The following RBP3 variants were observed in gnomAD, a reference collection of about 807,000 sequenced individuals.
RBP3 encodes retinol binding protein 3.
In RBP3, 50 loss-of-function variants were observed where a neutral mutation model predicts 64.8. The ratio of observed to expected loss-of-function variants is 0.77; its 90% confidence interval spans 0.61 to 0.98. The LOEUF (loss-of-function observed/expected upper bound fraction) is 0.98, where lower values mean the gene tolerates loss of function less well. Among genes scored for constraint, RBP3 ranks in the 50% least tolerant of loss-of-function variants. The pLI is 0.00. For missense variants in RBP3, 1,712 were observed against 1,660.5 expected (o/e 1.03, Z -0.54); for synonymous variants, 828 against 730.2 (o/e 1.13, Z -2.16).
chr10:47,349,147 C>CGGTG lies in RBP3; in HGVS notation c.664_667dup (p.Ala223GlyfsTer26). On this transcript the variant is annotated frameshift_variant, in exon 1 of 4. Coordinates refer to ENST00000584701, the MANE Select transcript of RBP3 (RefSeq NM_002900.3). LOFTEE classifies it high-confidence loss of function. ...TGCCCCAGGTCCTGGGAGAAAGGTACGGTGCCGACAAGGATGTGGTGGTCC... is the reference window on the plus strand; with the variant it reads ...TGCCCCAGGTCCTGGGAGAAAGGTACGGTGGGTGCCGACAAGGATGTGGTGGTCC... 6.2e-7 allele frequency: 1 copy of CGGTG among 1,613,938 alleles called. No homozygotes were observed. The highest frequency in any genetic ancestry group is 8.5e-7 in the Non-Finnish European group (1 of 1,180,026).
intron 3 of RBP3, 21 bp from the exon 4 acceptor site, chr10:47,357,081 G>A: frequency 6.2e-7 from 1 of 1,602,816 alleles, no homozygotes; most frequent in Non-Finnish European, 8.5e-7. Context: ...CCCCCATCCT[G>A]AAGGGCCTTA....
At position 47,350,696 on chromosome 10, in the gene RBP3, G is replaced by T. The variant is rs1836955784; in HGVS notation, c.2212G>T (p.Val738Leu). The T allele has an allele frequency of 6.2e-7, 1 of 1,613,086 alleles. No homozygotes were observed. The highest frequency in any genetic ancestry group is 8.5e-7 in the Non-Finnish European group (1 of 1,180,044). ...TATTGAGGCCCTGTTCAAGACAGAG[G>T]TGCTGCCCGGCCAGCTGGGCTACCT... ...YLIEALFKTEVLPGQLGYLRF... is the reference protein window; with the variant it reads ...YLIEALFKTELLPGQLGYLRF... Residue 738 changes from valine (V) to leucine (L), a missense_variant, in exon 1 of 4, where the codon GTG (valine) becomes TTG (leucine). Transcript: ENST00000584701.
chr10:47,357,194 C>T lies in RBP3; in HGVS notation c.3481C>T (p.Leu1161=). ...AEEFTYIMKR[L]GRALVIGEVT... is the part of the protein sequence containing the mutation. Reference sequence around the variant, plus strand: ...GGAGTTCACCTATATCATGAAGAGGCTGGGCCGGGCCCTGGTCATTGGGGA... The same window carrying T: ...GGAGTTCACCTATATCATGAAGAGGTTGGGCCGGGCCCTGGTCATTGGGGA... Residue 1161 remains leucine (L), a synonymous_variant, in exon 4 of 4, where the codon CTG becomes TTG. Coordinates refer to ENST00000584701, the MANE Select transcript of RBP3 (RefSeq NM_002900.3). 2.5e-6 allele frequency: 4 copies of T among 1,613,990 alleles called. No individual in the cohort carries two copies. Among genetic ancestry groups the T allele is most frequent in the Non-Finnish European group, 3.4e-6 (4 of 1,180,038 alleles).
chr10:47,356,871 T>C (rs1431627220), intron 3 of RBP3, among the ~76,000 whole-genome samples: 1 of 152,184 alleles, frequency 6.6e-6, no homozygotes, highest in Non-Finnish European at 1.5e-5. Context: ...AAAGGCCTCG[T>C]TGGGAGTTGT....
intron 2 of RBP3, among the ~76,000 whole-genome samples, chr10:47,354,667 C>A (rs1033521817): frequency 3.9e-5 from 6 of 152,228 alleles, no homozygotes; most frequent in African/African-American, 1.4e-4. Flanking sequence ...TGCAAGTGCA[C>A]TTTGCTTAAA....
At chr10:47,352,524 C>G (rs547621921) in intron 1 of RBP3, among the ~76,000 whole-genome samples, 1 of 152,190 alleles carries the variant, frequency 6.6e-6, no homozygotes, top group Non-Finnish European at 1.5e-5. Flanking sequence ...AACTGAGGCC[C>G]GGAGAGGAGC....
At position 47,357,292 on chromosome 10, in the gene RBP3, C is replaced by T; in HGVS notation, c.3579C>T (p.Pro1193=). 6.2e-7 allele frequency: 1 copy of T among 1,614,188 alleles called. No homozygotes were observed. Among genetic ancestry groups the T allele is most frequent in the Admixed American group, 1.7e-5 (1 of 60,028 alleles). Residue 1193 remains proline (P), a synonymous_variant, in exon 4 of 4, where the codon CCC becomes CCT. Coordinates refer to ENST00000584701, the MANE Select transcript of RBP3 (RefSeq NM_002900.3). Reference sequence around the variant, plus strand: ...ACACCAACCTCTACCTCACTATCCCCACGGCCCGTTCTGTGGGGGCCTCGG... The same window carrying T: ...ACACCAACCTCTACCTCACTATCCCTACGGCCCGTTCTGTGGGGGCCTCGG... ...VDDTNLYLTI[P]TARSVGASDG... is the part of the protein sequence containing the mutation.
At chr10:47,356,067 C>T (rs1837042895) in intron 3 of RBP3, among the ~76,000 whole-genome samples, 1 of 152,140 alleles carries the variant, frequency 6.6e-6, no homozygotes, top group South Asian at 2.1e-4. Context: ...AAGCCCCATT[C>T]CAGGGTGGAT....
chr10:47,349,303 G>A lies in RBP3; in HGVS notation c.819G>A (p.Glu273=). ...ALDLRKLRIG[E]SDFFFTVPVS... is the part of the protein sequence containing the mutation. ...ACCTCCGGAAGCTGAGGATAGGCGA[G>A]TCTGACTTCTTCTTCACGGTGCCCG... The change falls in exon 1 of 4, where the codon GAG becomes GAA. Residue 273 remains glutamate (E), a synonymous_variant. Coordinates refer to ENST00000584701, the MANE Select transcript of RBP3 (RefSeq NM_002900.3). 6.2e-7 allele frequency: 1 copy of A among 1,612,910 alleles called. No homozygotes were observed. The highest frequency in any genetic ancestry group is 1.1e-5 in the South Asian group (1 of 91,084).
rs1462322400 is a variant in RBP3, at chr10:47,349,208, A to G, written c.724A>G (p.Ile242Val). The G allele has an allele frequency of 6.2e-7, 1 of 1,613,442 alleles. No individual in the cohort carries two copies. Among genetic ancestry groups the G allele is most frequent in the Non-Finnish European group, 8.5e-7 (1 of 1,180,022 alleles). The change falls in exon 1 of 4, where the codon ATC becomes GTC. Residue 242 changes from isoleucine (I) to valine (V), a missense_variant. Coordinates refer to ENST00000584701, the MANE Select transcript of RBP3 (RefSeq NM_002900.3). Reference sequence around the variant, plus strand: ...CCAGACCAGGGGCGTGGCCGAGGACATCGCGCACATCCTTAAGCAGATGCG... The same window carrying G: ...CCAGACCAGGGGCGTGGCCGAGGACGTCGCGCACATCCTTAAGCAGATGCG... ...SSQTRGVAED[I>V]AHILKQMRRA...
chr10:47,348,717 T>C lies in RBP3; in HGVS notation c.233T>C (p.Val78Ala), dbSNP rs1555210881. ...CTGGCCAGTGTGCTGACAGCCGGGG[T>C]GCAGAGCTCCCTGAACGATCCTCGC... is the stretch of plus-strand genomic sequence containing the variant. Reference protein sequence around the residue: ...QTLASVLTAGVQSSLNDPRLV... With the variant: ...QTLASVLTAGAQSSLNDPRLV... The change falls in exon 1 of 4, where the codon GTG becomes GCG. Residue 78 changes from valine (V) to alanine (A), a missense_variant. By Grantham distance (64) the Val-to-Ala change is moderately conservative. Transcript: ENST00000584701. 2 of 1,613,410 alleles carry C rather than the reference T, an allele frequency of 1.2e-6. No individual in the cohort carries two copies.
rs782738822 is a variant in RBP3, at chr10:47,349,907, A to G, written c.1423A>G (p.Ile475Val). The G allele has an allele frequency of 6.2e-7, 1 of 1,612,850 alleles. No homozygotes were observed. Among genetic ancestry groups the G allele is most frequent in the Admixed American group, 1.7e-5 (1 of 60,014 alleles). Residue 475 changes from isoleucine to valine, a missense_variant, in exon 1 of 4, where the codon ATC (isoleucine) becomes GTC (valine). Physicochemically the swap from Ile to Val is conservative, Grantham distance 29. Coordinates refer to ENST00000584701, the MANE Select transcript of RBP3 (RefSeq NM_002900.3). ...GCCGCTACAGGACACGGAGCACCTC[A>G]TCATGGACCTGCGCCACAACCCTGG... is the stretch of plus-strand genomic sequence containing the variant. ...WEPLQDTEHL[I>V]MDLRHNPGGP...
chr10:47,350,274 C>A lies in RBP3; in HGVS notation c.1790C>A (p.Thr597Asn), dbSNP rs781867669. The A allele has an allele frequency of 3.7e-6, 6 of 1,608,232 alleles. No homozygotes were observed. Among genetic ancestry groups the A allele is most frequent in the Non-Finnish European group, 4.2e-6 (5 of 1,179,926 alleles). The change falls in exon 1 of 4, where the codon ACC (threonine) becomes AAC (asparagine). Residue 597 changes from threonine to asparagine, a missense_variant. Thr to Asn is a moderately conservative substitution (Grantham distance 65). Coordinates refer to ENST00000584701, the MANE Select transcript of RBP3 (RefSeq NM_002900.3). ...GSLALTVPVL[T>N]FIDNHGEAWL... ...CTCGCGCTCACCGTGCCGGTCCTCA[C>A]CTTCATCGACAATCACGGCGAGGCC... is the stretch of plus-strand genomic sequence containing the variant.
In RBP3 at chr10:47,357,164, G is replaced by A. The variant is rs782249467; in HGVS notation, c.3451G>A (p.Ala1151Thr). 1.1e-5 allele frequency: 18 copies of A among 1,613,470 alleles called. No individual in the cohort carries two copies. Among genetic ancestry groups the A allele is most frequent in the South Asian group, 2.2e-5 (2 of 91,084 alleles). Residue 1151 changes from alanine to threonine, a missense_variant, in exon 4 of 4, where the codon GCG becomes ACG. Coordinates refer to ENST00000584701, the MANE Select transcript of RBP3 (RefSeq NM_002900.3). ...GACCAGCAGTGTGACGGCCGGCACC[G>A]CGGAGGAGTTCACCTATATCATGAA... is the stretch of plus-strand genomic sequence containing the variant. Reference protein sequence around the residue: ...ILTSSVTAGTAEEFTYIMKRL... With the variant: ...ILTSSVTAGTTEEFTYIMKRL...
rs201500631 is a variant in RBP3 at position 47,351,383 on chromosome 10, G to A, written c.2899G>A (p.Gly967Ser). Residue 967 changes from glycine (G) to serine (S), a missense_variant, in exon 1 of 4, where the codon GGT becomes AGT. By Grantham distance (56) the Gly-to-Ser change is moderately conservative (BLOSUM62 0). Coordinates refer to ENST00000584701, the MANE Select transcript of RBP3 (RefSeq NM_002900.3). ...LGAKMATKLS[G>S]LQSRYSRVTS... ...GGCCAAGATGGCCACCAAACTGAGCGGTCTGCAGAGCCGCTACTCCAGGGT... is the reference window on the plus strand; with the variant it reads ...GGCCAAGATGGCCACCAAACTGAGCAGTCTGCAGAGCCGCTACTCCAGGGT... 1.1e-4 allele frequency: 175 copies of A among 1,613,570 alleles called. No homozygotes were observed. Among genetic ancestry groups the A allele is most frequent in the East Asian group, 8.2e-4 (37 of 44,884 alleles).
rs1463820373 is a variant in RBP3, at chr10:47,349,144, G to T, written c.660G>T (p.Arg220Ser). The T allele has an allele frequency of 9.5e-5, 154 of 1,613,976 alleles. No homozygotes were observed. The highest frequency in any genetic ancestry group is 1.3e-4 in the Non-Finnish European group (148 of 1,180,046). Residue 220 changes from arginine (R) to serine (S), a missense_variant, in exon 1 of 4, where the codon AGG (arginine) becomes AGT (serine). Physicochemically the swap from Arg to Ser is moderately radical, Grantham distance 110. Coordinates refer to ENST00000584701, the MANE Select transcript of RBP3 (RefSeq NM_002900.3). ...CCTTGCCCCAGGTCCTGGGAGAAAG[G>T]TACGGTGCCGACAAGGATGTGGTGG... is the stretch of plus-strand genomic sequence containing the variant. ...IWTLPQVLGERYGADKDVVVL... is the reference protein window; with the variant it reads ...IWTLPQVLGESYGADKDVVVL...
intron 1 of RBP3, among the ~76,000 whole-genome samples, chr10:47,351,752 T>A (rs1304630944): frequency 6.6e-6 from 1 of 152,238 alleles, no homozygotes; most frequent in Non-Finnish European, 1.5e-5. Flanking sequence ...AGAACATTCA[T>A]ATTAGGTTGG....
chr10:47,351,028 T>A lies in RBP3; in HGVS notation c.2544T>A (p.Ser848Arg), dbSNP rs1836963009. Residue 848 changes from serine (S) to arginine (R), a missense_variant, in exon 1 of 4, where the codon AGT (serine) becomes AGA (arginine). Physicochemically the swap from Ser to Arg is moderately radical, Grantham distance 110. Coordinates refer to ENST00000584701, the MANE Select transcript of RBP3 (RefSeq NM_002900.3). ...TCTACATCCTGATGAGCCACACCAG[T>A]GGCTCTGCGGCCGAGGCCTTTGCAC... ...KDLYILMSHTSGSAAEAFAHT... is the reference protein window; with the variant it reads ...KDLYILMSHTRGSAAEAFAHT... The A allele has an allele frequency of 2.5e-5, 40 of 1,610,854 alleles. No homozygotes were observed. The highest frequency in any genetic ancestry group is 3.3e-5 in the Non-Finnish European group (39 of 1,179,874).
At position 47,349,544 on chromosome 10, in the gene RBP3, T is replaced by C. The variant is rs782039525; in HGVS notation, c.1060T>C (p.Leu354=). ...CCGTGTGCCCACCCTGCTGCAGCAC[T>C]TGGCCAGCATGGACTTCTCCACGGT... ...VDRVPTLLQH[L]ASMDFSTVVS... is the part of the protein sequence containing the mutation. Residue 354 remains leucine (L), a synonymous_variant, in exon 1 of 4, where the codon TTG becomes CTG. Transcript: ENST00000584701. The C allele has an allele frequency of 6.2e-7, 1 of 1,613,012 alleles. No individual in the cohort carries two copies. The highest frequency in any genetic ancestry group is 1.7e-5 in the Admixed American group (1 of 60,034).
Sources: gnomAD v4.1 joint callset for allele counts (sites outside exome capture counted in the v4.1 genomes callset) on GRCh38, gnomAD v4.1.1 for gene constraint, MANE v1.5 for transcripts, NCBI Gene and HGNC (gene_info 2026-07-23, HGNC 2026-07-21) for gene names.